The following ADIPOR2 variants were observed in gnomAD, a reference collection of about 807,000 sequenced individuals.
ADIPOR2 encodes adiponectin receptor 2.
A neutral mutation model predicts 40.9 loss-of-function variants in ADIPOR2; 18 were observed. The observed-to-expected ratio is 0.44, with a 90% CI of 0.30 to 0.65. The LOEUF (loss-of-function observed/expected upper bound fraction) is 0.65. Ranked by LOEUF, ADIPOR2 falls within the 30% of genes least tolerant of loss-of-function variation. The pLI is 0.09. For synonymous variants in ADIPOR2, 165 were observed against 166.4 expected (o/e 0.99, Z 0.06); for missense variants, 283 against 479.2 (o/e 0.59, Z 3.82).
intron 3 of ADIPOR2, 43 bp downstream of exon 3, chr12:1,773,004 C>T (rs1212878348): frequency 3.8e-6 from 6 of 1,597,292 alleles, no homozygotes; most frequent in Admixed American, 3.5e-5. Flanking sequence ...ATATATTTAG[C>T]CCTTCCAAAA....
intron 2 of ADIPOR2, among the ~76,000 whole-genome samples, chr12:1,761,701 A>G (rs1431946981): frequency 2.6e-5 from 4 of 152,126 alleles, no homozygotes; most frequent in Admixed American, 2.6e-4. Flanking sequence ...TTACTATAAA[A>G]CTCAAGTTGT....
chr12:1,774,065 T>G (rs1862539532), intron 3 of ADIPOR2, among the ~76,000 whole-genome samples: 1 of 152,246 alleles, frequency 6.6e-6, no homozygotes, highest in African/African-American at 2.4e-5. Context: ...AGATTCATTC[T>G]AGTGATCACT....
intron 6 of ADIPOR2, among the ~76,000 whole-genome samples, chr12:1,783,186 C>T (rs915889718): frequency 2.6e-5 from 4 of 151,326 alleles, no homozygotes; most frequent in African/African-American, 7.3e-5. Flanking sequence ...GATCATTCAT[C>T]GCCTCTCCAC....
intron 1 of ADIPOR2, among the ~76,000 whole-genome samples, chr12:1,707,364 A>T (rs1382032634): frequency 6.6e-6 from 1 of 151,636 alleles, no homozygotes; most frequent in Non-Finnish European, 1.5e-5. Context: ...GTGCCATTTT[A>T]TCTTCCTGTA....
intron 1 of ADIPOR2, among the ~76,000 whole-genome samples, chr12:1,707,216 G>T (rs144854093): frequency 2.0e-5 from 3 of 152,078 alleles, no homozygotes; most frequent in Admixed American, 6.5e-5. Context: ...TGATTAAAGT[G>T]GCAATGAACA....
At chr12:1,716,424 T>G (rs992872990) in intron 1 of ADIPOR2, among the ~76,000 whole-genome samples, 3 of 152,224 alleles carry the variant, frequency 2.0e-5, no homozygotes, top group Non-Finnish European at 2.9e-5. Flanking sequence ...AGTAGTAGTA[T>G]TGCTGTTAGT....
At chr12:1,718,600 A>G (rs2094692076) in intron 1 of ADIPOR2, among the ~76,000 whole-genome samples, 1 of 152,240 alleles carries the variant, frequency 6.6e-6, no homozygotes, top group African/African-American at 2.4e-5. Context: ...GAATTTTGAC[A>G]AACATTACTG....
chr12:1,703,467 G>A (rs2154441471), intron 1 of ADIPOR2, among the ~76,000 whole-genome samples: 1 of 152,206 alleles, frequency 6.6e-6, no homozygotes, highest in East Asian at 1.9e-4. Context: ...TGGGTGTGGT[G>A]GCTCATGGCT....
chr12:1,776,789 T>C (rs1862605063), intron 3 of ADIPOR2, among the ~76,000 whole-genome samples: 1 of 152,216 alleles, frequency 6.6e-6, no homozygotes. Context: ...GATTAGTCAC[T>C]AACTGTCTGA....
At chr12:1,749,543 T>C (rs1403962296) in intron 1 of ADIPOR2, among the ~76,000 whole-genome samples, 1 of 152,234 alleles carries the variant, frequency 6.6e-6, no homozygotes, top group Non-Finnish European at 1.5e-5. Flanking sequence ...GGGTCATTTC[T>C]GGGTTCTCTG....
chr12:1,764,543 C>A (rs2039733723), intron 2 of ADIPOR2, among the ~76,000 whole-genome samples: 1 of 143,164 alleles, frequency 7.0e-6, no homozygotes, highest in Non-Finnish European at 1.5e-5. Flanking sequence ...CAACAAAAAC[C>A]TTATTAAAGT....
intron 1 of ADIPOR2, among the ~76,000 whole-genome samples, chr12:1,719,653 T>C (rs1046955615): frequency 1.3e-5 from 2 of 151,834 alleles, no homozygotes; most frequent in Non-Finnish European, 2.9e-5. Flanking sequence ...TCATCCTCAC[T>C]CAGCAGAAGT....
At chr12:1,767,269 C>T in intron 2 of ADIPOR2, among the ~76,000 whole-genome samples, 1 of 87,472 alleles carries the variant, frequency 1.1e-5, no homozygotes, top group African/African-American at 4.2e-5. Context: ...AAGACTTCGT[C>T]AAAAAAAAAA....
Position 1,777,790 on chromosome 12 carries a change from G to A in ADIPOR2, c.292-64G>A, listed in dbSNP as rs575360266. ...ACAGTGTGATAAGACACAGTTGTTA[G>A]GGGTCAGTGTTGGTAAATTGACAAC... is the stretch of plus-strand genomic sequence containing the variant. On this transcript the variant is annotated intron_variant, in intron 3 of 7. Coordinates refer to ENST00000357103, the MANE Select transcript of ADIPOR2 (RefSeq NM_024551.3). The A allele has an allele frequency of 5.5e-6, 8 of 1,463,622 alleles. No individual in the cohort carries two copies. The East Asian group carries it at 1.9e-4, about 34-fold the overall frequency. The allele number at this position is 1,463,622 out of a possible 1,614,324, so 90.7% of individuals were successfully genotyped here.
intron 1 of ADIPOR2, among the ~76,000 whole-genome samples, chr12:1,715,764 G>A (rs1281777983): frequency 1.3e-5 from 2 of 152,126 alleles, no homozygotes; most frequent in Non-Finnish European, 2.9e-5. Context: ...TCTTACAAGA[G>A]GATTGTAAAA....
At chr12:1,698,946 G>C (rs2094644783) in intron 1 of ADIPOR2, among the ~76,000 whole-genome samples, 1 of 152,136 alleles carries the variant, frequency 6.6e-6, no homozygotes. Flanking sequence ...GATATGCTTT[G>C]TTTCAATAGC....
intron 1 of ADIPOR2, among the ~76,000 whole-genome samples, chr12:1,735,279 G>A (rs893268002): frequency 2.8e-4 from 43 of 152,070 alleles, no homozygotes; most frequent in African/African-American, 8.5e-4. Context: ...ATTGAGCAGC[G>A]GTTTGTAGTT....
chr12:1,741,818 T>C (rs1392265458), intron 1 of ADIPOR2, among the ~76,000 whole-genome samples: 1 of 152,218 alleles, frequency 6.6e-6, no homozygotes, highest in Admixed American at 6.5e-5. Flanking sequence ...TCTTTAGTGC[T>C]AGAGTTCTTT....
At position 1,786,134 on chromosome 12, in the gene ADIPOR2, C is replaced by A; in HGVS notation, c.*62C>A. ...GGGCCTGCGGCACTTGCGGGCCTCC[C>A]TGCTGGCTACTGATGCCAGTACCAG... is the stretch of plus-strand genomic sequence containing the variant. On this transcript the variant is annotated 3_prime_UTR_variant, in exon 8 of 8. Coordinates refer to ENST00000357103, the MANE Select transcript of ADIPOR2 (RefSeq NM_024551.3). The A allele has an allele frequency of 6.4e-7, 1 of 1,569,682 alleles. No individual in the cohort carries two copies. Among genetic ancestry groups the A allele is most frequent in the South Asian group, 1.2e-5 (1 of 83,742 alleles).
Sources: allele counts gnomAD v4.1 joint callset (sites outside exome capture counted in the v4.1 genomes callset), GRCh38; gene constraint gnomAD v4.1.1; transcripts MANE v1.5; gene names NCBI Gene and HGNC (gene_info 2026-07-23, HGNC 2026-07-21).